HUNK: variants seen among roughly 807,000 people sequenced by gnomAD.
HUNK encodes hormonally up-regulated Neu-associated kinase, also known as hormonally up-regulated neu tumor-associated kinase.
A neutral mutation model predicts 61.0 loss-of-function variants in HUNK; 21 were observed. The ratio of observed to expected loss-of-function variants is 0.34; its 90% CI spans 0.24 to 0.50. HUNK has a LOEUF of 0.50. Among genes scored for constraint, HUNK ranks in the 20% least tolerant of loss-of-function variants. The probability of loss-of-function intolerance (pLI) is 0.98; values close to 1 mark genes in which losing one functional copy is unlikely to be tolerated. For synonymous variants in HUNK, 371 were observed against 386.1 expected (o/e 0.96, Z 0.46); for missense variants, 772 against 945.7 (o/e 0.82, Z 2.41).
At chr21:31,988,329 T>G (rs2053147748) in intron 8 of HUNK, among the ~76,000 whole-genome samples, 1 of 152,118 alleles carries the variant, frequency 6.6e-6, no homozygotes, top group Non-Finnish European at 1.5e-5. Flanking sequence ...TTTATTAAAG[T>G]CTTTTGAAAA....
chr21:31,930,187 C>T lies in HUNK; in HGVS notation c.554+5427C>T, dbSNP rs73903703. ...TGCTGGTTTGACCACTCGAAAGTGGCGCTGGGCAAATCGCTCAGGCTTTTG... is the reference window on the plus strand; with the variant it reads ...TGCTGGTTTGACCACTCGAAAGTGGTGCTGGGCAAATCGCTCAGGCTTTTG... On this transcript the variant is annotated intron_variant, in intron 2 of 10. Coordinates refer to ENST00000270112, the MANE Select transcript of HUNK (RefSeq NM_014586.2). 2.8e-3 allele frequency among the ~76,000 whole-genome samples: 433 copies of T among 152,320 alleles called. 1 individual carries two copies. The highest frequency in any genetic ancestry group is 9.7e-3 in the African/African-American group (403 of 41,580).
At chr21:31,996,034 G>A in intron 10 of HUNK, 86 bp downstream of exon 10, 1 of 1,005,692 alleles carries the variant, frequency 9.9e-7, no homozygotes. Flanking sequence ...GGTCGAATGG[G>A]CCCTAGAGCA....
chr21:31,923,574 CGAGGGAGG>C (rs574044016), intron 1 of HUNK, among the ~76,000 whole-genome samples: 6 of 63,032 alleles, frequency 9.5e-5, no homozygotes, highest in South Asian at 7.3e-4. Context: ...AGGAAGGAAG[CGAGGGAGG>C]GAGGGAGGGA....
chr21:31,974,563 T>G lies in HUNK; in HGVS notation c.1019T>G (p.Leu340Arg), dbSNP rs779031599. 26 of 1,613,022 alleles carry G rather than the reference T, an allele frequency of 1.6e-5. No individual in the cohort carries two copies. Among genetic ancestry groups the G allele is most frequent in the Non-Finnish European group, 8.5e-6 (10 of 1,179,550 alleles). Residue 340 changes from leucine (L) to arginine (R), a missense_variant, in exon 7 of 11, where the codon CTG becomes CGG. By Grantham distance (102) the Leu-to-Arg change is moderately radical (BLOSUM62 -2). Coordinates refer to ENST00000270112, the MANE Select transcript of HUNK (RefSeq NM_014586.2). ...CNVTYPNRIS[L>R]EDLSPSVVLH... The stretch of plus-strand genomic sequence containing the variant: ...CTCTCTGCACCTCGCAGGATTTCTC[T>G]GGAAGATCTGAGCCCGAGCGTCGTG...
intron 2 of HUNK, among the ~76,000 whole-genome samples, chr21:31,937,869 C>T (rs946468687): frequency 6.6e-6 from 1 of 152,188 alleles, no homozygotes; most frequent in Non-Finnish European, 1.5e-5. Flanking sequence ...TGGAGTCACC[C>T]TATATTTGGA....
intron 3 of HUNK, among the ~76,000 whole-genome samples, chr21:31,941,977 C>A (rs959402625): frequency 6.6e-6 from 1 of 152,090 alleles, no homozygotes; most frequent in Admixed American, 6.6e-5. Context: ...TTTGGGAGGC[C>A]GAGGAGGGTG....
chr21:31,960,001 T>G (rs2123841858), intron 5 of HUNK, among the ~76,000 whole-genome samples: 1 of 152,356 alleles, frequency 6.6e-6, no homozygotes, highest in Middle Eastern at 3.4e-3. Context: ...ACAAGAAATA[T>G]TTCTGCACTG....
At chr21:31,895,648 A>T (rs1179700766) in intron 1 of HUNK, among the ~76,000 whole-genome samples, 1 of 152,222 alleles carries the variant, frequency 6.6e-6, no homozygotes, top group Non-Finnish European at 1.5e-5. Context: ...TGGGTGGGCC[A>T]TGCCTCACTG....
chr21:31,980,640 GC>G (rs2053090817), intron 7 of HUNK, among the ~76,000 whole-genome samples: 1 of 152,118 alleles, frequency 6.6e-6, no homozygotes, highest in Non-Finnish European at 1.5e-5. Context: ...CTCGTGATCT[GC>G]CCACCTCTAC....
intron 1 of HUNK, among the ~76,000 whole-genome samples, chr21:31,919,883 G>A (rs765637979): frequency 1.3e-5 from 2 of 152,184 alleles, no homozygotes; most frequent in East Asian, 1.9e-4. Flanking sequence ...CTGGAAATGC[G>A]TCCCAAAGGG....
intron 1 of HUNK, among the ~76,000 whole-genome samples, chr21:31,905,379 G>A (rs865790690): frequency 2.6e-5 from 4 of 152,142 alleles, no homozygotes; most frequent in African/African-American, 4.8e-5. Flanking sequence ...CCACACAGTC[G>A]GTGATACTTT....
intron 9 of HUNK, among the ~76,000 whole-genome samples, chr21:31,991,710 A>AG (rs1184675086): frequency 6.6e-6 from 1 of 152,196 alleles, no homozygotes; most frequent in African/African-American, 2.4e-5. Flanking sequence ...TAATCATCAG[A>AG]GGGAAGGAAA....
At chr21:31,883,416 G>T (rs1022786116) in intron 1 of HUNK, among the ~76,000 whole-genome samples, 2 of 151,972 alleles carry the variant, frequency 1.3e-5, no homozygotes, top group Admixed American at 6.6e-5. Context: ...TCAACTGTTT[G>T]TACTTCATTT....
At chr21:31,987,029 G>A (rs1014369607) in intron 8 of HUNK, among the ~76,000 whole-genome samples, 1 of 152,182 alleles carries the variant, frequency 6.6e-6, no homozygotes, top group African/African-American at 2.4e-5. Flanking sequence ...GAGGCCACAC[G>A]ATGCCTGGCA....
chr21:31,913,341 A>G (rs953887629), intron 1 of HUNK, among the ~76,000 whole-genome samples: 1 of 151,892 alleles, frequency 6.6e-6, no homozygotes, highest in African/African-American at 2.4e-5. Context: ...GGGAGACAGG[A>G]GGCAGAGAGA....
Position 31,921,933 on chromosome 21 carries a change from G to GTCAAGCTCATGGACATGTCCATTATT in HUNK, c.262-2511_262-2510insTTTCAAGCTCATGGACATGTCCATTA, listed in dbSNP as rs371167705. ...AGCATGTTGTGAAATGGTTACCATG[G>GTCAAGCTCATGGACATGTCCATTATT]TCAAGCTCATGGACATGTCCATTAC... is the stretch of plus-strand genomic sequence containing the variant. On this transcript the variant is annotated intron_variant, in intron 1 of 10. Coordinates refer to ENST00000270112, the MANE Select transcript of HUNK (RefSeq NM_014586.2). Among the ~76,000 whole-genome samples, 156 of 152,290 alleles carry GTCAAGCTCATGGACATGTCCATTATT rather than the reference G, an allele frequency of 1.0e-3. No individual in the cohort carries two copies. In the Middle Eastern group the frequency reaches 0.02, roughly 20 times the overall value.
chr21:31,887,981 C>G (rs2052359208), intron 1 of HUNK, among the ~76,000 whole-genome samples: 1 of 152,056 alleles, frequency 6.6e-6, no homozygotes, highest in African/African-American at 2.4e-5. Context: ...ATTTGTGGAT[C>G]TCGTACCATC....
intron 3 of HUNK, among the ~76,000 whole-genome samples, chr21:31,945,742 C>T (rs2833568): frequency 3.9e-5 from 6 of 151,940 alleles, no homozygotes; most frequent in African/African-American, 1.2e-4. Flanking sequence ...GACTCATTTA[C>T]AAGATTGGAT....
intron 4 of HUNK, among the ~76,000 whole-genome samples, chr21:31,953,799 T>C (rs961561742): frequency 2.6e-5 from 4 of 152,174 alleles, no homozygotes; most frequent in African/African-American, 7.2e-5. Flanking sequence ...TGACAATTTT[T>C]TTTTTCATTG....
Sources: allele counts gnomAD v4.1 joint callset (sites outside exome capture counted in the v4.1 genomes callset), GRCh38; gene constraint gnomAD v4.1.1; transcripts MANE v1.5; gene names NCBI Gene and HGNC (gene_info 2026-07-23, HGNC 2026-07-21).